The following EXOC6B variants were observed in gnomAD, a reference collection of about 807,000 sequenced individuals.
The protein encoded by EXOC6B is SEC15 homolog B.
In EXOC6B, 54 loss-of-function variants were observed where a neutral mutation model predicts 113.5. The ratio of observed to expected loss-of-function variants is 0.48; its 90% CI spans 0.38 to 0.60. The LOEUF (loss-of-function observed/expected upper bound fraction) is 0.60, where lower values mean the gene tolerates loss of function less well. EXOC6B is among the 20% of genes least tolerant of loss of function. The pLI, the probability that EXOC6B is intolerant of heterozygous loss-of-function variation, is 0.00. For synonymous variants in EXOC6B, 357 were observed against 339.0 expected (o/e 1.05, Z -0.58); for missense variants, 797 against 977.5 (o/e 0.82, Z 2.46).
chr2:72,745,950 T>C (rs1176669838), intron 1 of EXOC6B, among the ~76,000 whole-genome samples: 1 of 152,128 alleles, frequency 6.6e-6, no homozygotes, highest in East Asian at 1.9e-4. Flanking sequence ...TACCTTAAGG[T>C]AGAGAAAGAC....
chr2:72,580,422 T>C (rs928500617), intron 6 of EXOC6B, among the ~76,000 whole-genome samples: 1 of 152,036 alleles, frequency 6.6e-6, no homozygotes, highest in Admixed American at 6.6e-5. Flanking sequence ...GGATTACAGG[T>C]GTGAGCCACC....
intron 18 of EXOC6B, among the ~76,000 whole-genome samples, chr2:72,399,457 A>T (rs931305094): frequency 1.3e-5 from 2 of 152,206 alleles, no homozygotes; most frequent in African/African-American, 4.8e-5. Context: ...GGCAAAGAAG[A>T]AGTCAAACTA....
At chr2:72,612,286 G>GA (rs1189831824) in intron 6 of EXOC6B, among the ~76,000 whole-genome samples, 4 of 150,602 alleles carry the variant, frequency 2.7e-5, no homozygotes, top group African/African-American at 9.9e-5. Context: ...AAAAAAAAAA[G>GA]AAAAAATCAT....
intron 1 of EXOC6B, among the ~76,000 whole-genome samples, chr2:72,778,229 A>C (rs1683817038): frequency 1.3e-5 from 2 of 152,166 alleles, no homozygotes; most frequent in South Asian, 4.1e-4. Flanking sequence ...ATCCAACTGT[A>C]AGCCATGTAT....
At chr2:72,779,572 T>C (rs548862260) in intron 1 of EXOC6B, among the ~76,000 whole-genome samples, 3 of 152,288 alleles carry the variant, frequency 2.0e-5, no homozygotes, top group South Asian at 4.1e-4. Flanking sequence ...AGCATTATAG[T>C]GGCAACTATT....
intron 20 of EXOC6B, among the ~76,000 whole-genome samples, chr2:72,275,790 TATA>T (rs1684776040): frequency 6.6e-6 from 1 of 152,118 alleles, no homozygotes; most frequent in African/African-American, 2.4e-5. Flanking sequence ...GCAGGTTAAT[TATA>T]ATTTCATTTT....
intron 20 of EXOC6B, among the ~76,000 whole-genome samples, chr2:72,279,305 T>C (rs933434837): frequency 6.6e-6 from 1 of 152,206 alleles, no homozygotes; most frequent in African/African-American, 2.4e-5. Flanking sequence ...TGTATTCCTC[T>C]GCTAGGCCTT....
At chr2:72,549,664 A>G (rs999822932) in intron 8 of EXOC6B, among the ~76,000 whole-genome samples, 1 of 152,228 alleles carries the variant, frequency 6.6e-6, no homozygotes, top group African/African-American at 2.4e-5. Flanking sequence ...AATACATATA[A>G]GTCCAAAGCT....
chr2:72,768,918 G>A (rs976480634), intron 1 of EXOC6B, among the ~76,000 whole-genome samples: 2 of 152,058 alleles, frequency 1.3e-5, no homozygotes, highest in Admixed American at 6.6e-5. Context: ...GTCAAGACCA[G>A]CCTGGGCAAC....
intron 7 of EXOC6B, among the ~76,000 whole-genome samples, chr2:72,572,203 C>T (rs1041661841): frequency 1.3e-5 from 2 of 152,104 alleles, no homozygotes; most frequent in African/African-American, 4.8e-5. Context: ...ACTAAAAAAG[C>T]TTTGTCATGT....
At chr2:72,185,228 A>T (rs914939395) in intron 20 of EXOC6B, among the ~76,000 whole-genome samples, 1 of 152,242 alleles carries the variant, frequency 6.6e-6, no homozygotes, top group Non-Finnish European at 1.5e-5. Context: ...GAGATAGGTA[A>T]GTGCTGATGA....
At chr2:72,219,376 T>A (rs534165299) in intron 20 of EXOC6B, among the ~76,000 whole-genome samples, 9 of 152,200 alleles carry the variant, frequency 5.9e-5, no homozygotes, top group Admixed American at 3.3e-4. Flanking sequence ...ATCCAGCTAC[T>A]AAAGACTTCT....
intron 6 of EXOC6B, among the ~76,000 whole-genome samples, chr2:72,649,608 G>C (rs983548995): frequency 5.3e-5 from 8 of 151,830 alleles, no homozygotes; most frequent in Admixed American, 5.2e-4. Flanking sequence ...AAAATGTAAA[G>C]AAACTAAAGT....
intron 18 of EXOC6B, among the ~76,000 whole-genome samples, chr2:72,392,485 T>C (rs548843443): frequency 6.6e-6 from 1 of 152,378 alleles, no homozygotes; most frequent in East Asian, 1.9e-4. Context: ...AATTTGTCTA[T>C]TCTTTCCCCT....
At chr2:72,180,251 A>G (rs1289061091) in intron 21 of EXOC6B, among the ~76,000 whole-genome samples, 1 of 152,182 alleles carries the variant, frequency 6.6e-6, no homozygotes, top group Admixed American at 6.5e-5. Context: ...TAGAACACAA[A>G]CCATGGGTAA....
rs1203072276 is a variant in EXOC6B, at chr2:72,346,311, G to A, written c.2123-11291C>T. On this transcript the variant is annotated intron_variant, in intron 19 of 21. Coordinates refer to ENST00000272427, the MANE Select transcript of EXOC6B (RefSeq NM_015189.3). ...CCTTCCTGCTGCTGCTAAATAAATAGGCAGATCAATCTCCATCTGGCTGTA... is the reference window on the plus strand; with the variant it reads ...CCTTCCTGCTGCTGCTAAATAAATAAGCAGATCAATCTCCATCTGGCTGTA... Among the ~76,000 whole-genome samples the A allele has an allele frequency of 2.0e-5, 3 of 152,082 alleles. No homozygotes were observed. In the East Asian group the frequency reaches 5.8e-4, roughly 29 times the overall value.
intron 6 of EXOC6B, among the ~76,000 whole-genome samples, chr2:72,648,919 G>A (rs1237799485): frequency 6.6e-6 from 1 of 152,142 alleles, no homozygotes; most frequent in Non-Finnish European, 1.5e-5. Flanking sequence ...CGAGGCAGGA[G>A]GATCACTTGA....
intron 6 of EXOC6B, among the ~76,000 whole-genome samples, chr2:72,666,522 AGC>A (rs1033443561): frequency 6.6e-6 from 1 of 152,158 alleles, no homozygotes; most frequent in African/African-American, 2.4e-5. Flanking sequence ...TGGAAGTCTT[AGC>A]CAGAAAAATC....
intron 18 of EXOC6B, among the ~76,000 whole-genome samples, chr2:72,426,393 G>C (rs2105281517): frequency 6.6e-6 from 1 of 151,908 alleles, no homozygotes; most frequent in Non-Finnish European, 1.5e-5. Flanking sequence ...TTCCCCAAAT[G>C]GTTCTTTTTT....
Sources: allele counts gnomAD v4.1 joint callset (sites outside exome capture counted in the v4.1 genomes callset), GRCh38; gene constraint gnomAD v4.1.1; transcripts MANE v1.5; gene names NCBI Gene and HGNC (gene_info 2026-07-23, HGNC 2026-07-21).